Variants in NCALD observed in about 807,000 individuals in gnomAD.
The protein encoded by NCALD is neurocalcin-delta.
A neutral mutation model predicts 18.6 loss-of-function variants in NCALD; 10 were observed. The ratio of observed to expected loss-of-function variants is 0.54; its 90% confidence interval spans 0.33 to 0.91. The LOEUF (loss-of-function observed/expected upper bound fraction) is 0.91, where lower values mean the gene tolerates loss of function less well. Ranked by LOEUF, NCALD falls within the 40% of genes least tolerant of loss-of-function variation. NCALD has a pLI of 0.03. For synonymous variants in NCALD, 88 were observed against 87.4 expected (o/e 1.01, Z -0.04); for missense variants, 184 against 247.6 (o/e 0.74, Z 1.72).
At chr8:101,923,857 A>G (rs989129501) in intron 2 of NCALD, among the ~76,000 whole-genome samples, 1 of 152,184 alleles carries the variant, frequency 6.6e-6, no homozygotes, top group Non-Finnish European at 1.5e-5. Context: ...GAGCTTGACT[A>G]TTTTAAACCT....
chr8:102,005,283 T>G (rs1821656922), intron 2 of NCALD, among the ~76,000 whole-genome samples: 1 of 152,324 alleles, frequency 6.6e-6, no homozygotes, highest in East Asian at 1.9e-4. Flanking sequence ...AAAATGCTCA[T>G]CATTACTGGC....
At chr8:101,890,754 A>G (rs1168345716) in intron 3 of NCALD, among the ~76,000 whole-genome samples, 1 of 152,258 alleles carries the variant, frequency 6.6e-6, no homozygotes, top group Admixed American at 6.5e-5. Flanking sequence ...AATTTCTATT[A>G]GTTATAAATT....
At chr8:101,871,889 G>A (rs1005661380) in intron 4 of NCALD, 3 of 671,292 alleles carry the variant, frequency 4.5e-6, no homozygotes, top group Non-Finnish European at 2.7e-6. Flanking sequence ...ACTGAAGACA[G>A]CAATACACCT....
At chr8:102,120,883 G>A (rs1195145717) in intron 1 of NCALD, among the ~76,000 whole-genome samples, 1 of 152,110 alleles carries the variant, frequency 6.6e-6, no homozygotes, top group Non-Finnish European at 1.5e-5. Flanking sequence ...TGCCTTCTAG[G>A]GACTTTTAAC....
intron 2 of NCALD, among the ~76,000 whole-genome samples, chr8:101,697,171 A>G (rs1050158473): frequency 6.6e-6 from 1 of 152,332 alleles, no homozygotes; most frequent in East Asian, 1.9e-4. Context: ...AAACATCTCT[A>G]TGCAAATAAA....
rs1219093019 is a variant in NCALD at position 101,719,643 on chromosome 8, A to G, written c.-14T>C. 1.9e-6 allele frequency: 3 copies of G among 1,554,442 alleles called. No individual in the cohort carries two copies. The highest frequency in any genetic ancestry group is 2.6e-6 in the Non-Finnish European group (3 of 1,154,654). On this transcript the variant is annotated 5_prime_UTR_variant, in exon 2 of 4. Coordinates refer to ENST00000220931, the MANE Select transcript of NCALD (RefSeq NM_032041.3). ...CTGTTTCCCCATCCTGGCGGCAAGA[A>G]TTCAGCTGCAGATAGAAAAGAAAAC...
intron 1 of NCALD, among the ~76,000 whole-genome samples, chr8:102,032,324 C>T (rs955631769): frequency 3.9e-5 from 6 of 152,034 alleles, no homozygotes; most frequent in African/African-American, 7.2e-5. Context: ...AAAAGGAGTT[C>T]CCTGTAACCA....
chr8:101,716,008 C>T (rs141233263), intron 2 of NCALD, among the ~76,000 whole-genome samples: 1,690 of 152,296 alleles, frequency 0.011, 33 homozygotes, highest in African/African-American at 0.038. Flanking sequence ...GCTGTAAAGA[C>T]GCATGCACAT....
At chr8:101,845,674 G>A (rs1044585917) in intron 4 of NCALD, among the ~76,000 whole-genome samples, 1 of 152,064 alleles carries the variant, frequency 6.6e-6, no homozygotes, top group Non-Finnish European at 1.5e-5. Flanking sequence ...TCTTTGTGTT[G>A]GAACATTCCA....
At chr8:101,872,075 G>C in intron 4 of NCALD, 14 of 1,480,106 alleles carry the variant, frequency 9.5e-6, no homozygotes, top group Non-Finnish European at 1.3e-5. Flanking sequence ...TTCCTATCAG[G>C]ATAATTGGGT....
At chr8:101,872,555 T>A in intron 4 of NCALD, 1 of 639,610 alleles carries the variant, frequency 1.6e-6, no homozygotes, top group East Asian at 2.7e-5. Context: ...TGCATCTTGT[T>A]TCCAATCGCT....
chr8:101,772,957 T>C (rs1244383268), intron 1 of NCALD, among the ~76,000 whole-genome samples: 1 of 152,158 alleles, frequency 6.6e-6, no homozygotes, highest in East Asian at 1.9e-4. Context: ...TAGTATATTA[T>C]ATCATATATT....
chr8:101,943,960 CAAA>C (rs749224908), intron 2 of NCALD, among the ~76,000 whole-genome samples: 189 of 134,934 alleles, frequency 1.4e-3, no homozygotes, highest in Middle Eastern at 3.7e-3. Flanking sequence ...AAACAAAAAA[CAAA>C]AAACAAACAA....
chr8:101,722,535 G>T (rs889322885), intron 1 of NCALD, among the ~76,000 whole-genome samples: 1 of 152,142 alleles, frequency 6.6e-6, no homozygotes, highest in Non-Finnish European at 1.5e-5. Flanking sequence ...GCAAATTGCT[G>T]CTTGCCTGGC....
At chr8:102,086,199 GA>G (rs1168093593) in intron 1 of NCALD, among the ~76,000 whole-genome samples, 8 of 152,268 alleles carry the variant, frequency 5.3e-5, no homozygotes, top group Admixed American at 5.2e-4. Context: ...GAGTGCACAA[GA>G]CTGTACAGCT....
chr8:101,791,836 T>C (rs1196929885), upstream of NCALD, among the ~76,000 whole-genome samples: 1 of 152,136 alleles, frequency 6.6e-6, no homozygotes, highest in Non-Finnish European at 1.5e-5. Context: ...ACAGGGCCAG[T>C]GTTCCACAAA....
chr8:102,001,551 A>C (rs1263292808), intron 2 of NCALD, among the ~76,000 whole-genome samples: 2 of 152,228 alleles, frequency 1.3e-5, no homozygotes, highest in Non-Finnish European at 1.5e-5. Context: ...CCTCGAGAAG[A>C]GCAACTCCAA....
At chr8:101,931,090 G>A (rs561274309) in intron 2 of NCALD, among the ~76,000 whole-genome samples, 47 of 152,314 alleles carry the variant, frequency 3.1e-4, no homozygotes, top group Non-Finnish European at 4.6e-4. Context: ...ATGTCCGCCA[G>A]CGTGGACCAC....
intron 1 of NCALD, among the ~76,000 whole-genome samples, chr8:102,031,562 G>A (rs557206907): frequency 1.3e-4 from 20 of 152,158 alleles, no homozygotes; most frequent in Admixed American, 1.3e-4. Flanking sequence ...GTGCAGTGGA[G>A]GTTATATCTG....
Sources: gnomAD v4.1 joint callset for allele counts (sites outside exome capture counted in the v4.1 genomes callset) on GRCh38, gnomAD v4.1.1 for gene constraint, MANE v1.5 for transcripts, NCBI Gene and HGNC (gene_info 2026-07-23, HGNC 2026-07-21) for gene names.